DMD: variants seen among roughly 807,000 people sequenced by gnomAD.
DMD encodes mutant dystrophin.
In DMD, 63 loss-of-function variants were observed where a neutral mutation model predicts 330.1. That is an observed-to-expected ratio of 0.19 (90% CI 0.16 to 0.24). The LOEUF (loss-of-function observed/expected upper bound fraction) is 0.24, where lower values mean the gene tolerates loss of function less well. Among genes scored for constraint, DMD ranks in the 10% least tolerant of loss-of-function variants. The pLI is 1.00. For missense variants in DMD, 3,344 were observed against 2,684.1 expected (o/e 1.25, Z -5.43); for synonymous variants, 1,223 against 959.8 (o/e 1.27, Z -5.07).
At chrX:32,923,003 T>A (rs771938259) in intron 2 of DMD, among the ~76,000 whole-genome samples, 1 of 111,762 alleles carries the variant, frequency 8.9e-6, no homozygotes, top group East Asian at 2.8e-4. Flanking sequence ...CAAATATGAA[T>A]TGATATATTT....
At chrX:32,241,867 C>T (rs2097209907) in intron 43 of DMD, among the ~76,000 whole-genome samples, 1 of 110,436 alleles carries the variant, frequency 9.1e-6, no homozygotes, top group Non-Finnish European at 1.9e-5. Context: ...ATAATAGGTA[C>T]CAGCATAACG....
chrX:32,984,885 C>T (rs745814428), intron 2 of DMD, among the ~76,000 whole-genome samples: 3 of 111,243 alleles, frequency 2.7e-5, no homozygotes, highest in Non-Finnish European at 5.7e-5. Flanking sequence ...AAAGAAATAT[C>T]CTTCCCCTTC....
chrX:33,193,650 C>T (rs930110806), intron 1 of DMD, among the ~76,000 whole-genome samples: 10 of 111,999 alleles, frequency 8.9e-5, no homozygotes, highest in African/African-American at 3.2e-4. Context: ...ACAATTGAAA[C>T]GCGCATGCAA....
intron 30 of DMD, among the ~76,000 whole-genome samples, chrX:32,397,345 T>TA (rs1399869849): frequency 8.9e-6 from 1 of 111,867 alleles, no homozygotes; most frequent in African/African-American, 3.2e-5. Flanking sequence ...CAGTAAACTC[T>TA]AATGGAAACA....
At chrX:31,629,789 G>T (rs1348763950) in intron 54 of DMD, among the ~76,000 whole-genome samples, 1 of 111,831 alleles carries the variant, frequency 8.9e-6, no homozygotes, top group African/African-American at 3.3e-5. Context: ...GCTGACAATT[G>T]ACTGGGTGTG....
chrX:32,620,063 G>C (rs1240035450), intron 11 of DMD, among the ~76,000 whole-genome samples: 14 of 112,014 alleles, frequency 1.2e-4, no homozygotes, highest in Non-Finnish European at 2.6e-4. Flanking sequence ...AGGAACCTGG[G>C]TAACAGAAAA....
chrX:31,763,124 C>G (rs1184853243), intron 51 of DMD, among the ~76,000 whole-genome samples: 1 of 112,372 alleles, frequency 8.9e-6, no homozygotes, highest in Admixed American at 9.4e-5. Flanking sequence ...AAATTTATTT[C>G]GAGGACCAGA....
intron 52 of DMD, among the ~76,000 whole-genome samples, chrX:31,688,175 C>T (rs2082820729): frequency 9.1e-6 from 1 of 109,864 alleles, no homozygotes; most frequent in Non-Finnish European, 1.9e-5. Flanking sequence ...TCAATGAATC[C>T]AGGAGCCAGT....
intron 12 of DMD, among the ~76,000 whole-genome samples, chrX:32,606,098 TATG>T (rs2056674320): frequency 9.0e-6 from 1 of 110,645 alleles, no homozygotes; most frequent in Admixed American, 9.6e-5. Context: ...ATAGTTACTG[TATG>T]ATATGATCAA....
chrX:32,437,308 C>T (rs1482560270), intron 29 of DMD, among the ~76,000 whole-genome samples: 1 of 111,643 alleles, frequency 9.0e-6, no homozygotes, highest in East Asian at 2.8e-4. Context: ...AGATATCTGC[C>T]CTACCCTCAC....
At chrX:31,970,671 T>C (rs946478981) in intron 44 of DMD, among the ~76,000 whole-genome samples, 1 of 110,827 alleles carries the variant, frequency 9.0e-6, no homozygotes, top group African/African-American at 3.3e-5. Context: ...ACCAAGAGCA[T>C]AAAACTGGGC....
Position 31,679,411 on chromosome X carries a change from T to C in DMD, c.7836A>G (p.Thr2612=), listed in dbSNP as rs2148732626. Residue 2612 remains threonine (T), a synonymous_variant, in exon 53 of 79, where the codon ACA becomes ACG. Transcript: ENST00000357033. ...TGATTTTCTTTTGGATTGCATCTAC[T>C]GTATAGGGACCCTCCTTCCATGACT... ...KLESWKEGPY[T]VDAIQKKITE... is the part of the protein sequence containing the mutation. 8.3e-7 allele frequency: 1 copy of C among 1,211,114 alleles called. No individual in the cohort carries two copies. The highest frequency in any genetic ancestry group is 2.3e-4 in the Middle Eastern group (1 of 4,354).
chrX:32,487,064 A>G (rs1270335535), intron 20 of DMD, among the ~76,000 whole-genome samples: 1 of 111,037 alleles, frequency 9.0e-6, no homozygotes, highest in Non-Finnish European at 1.9e-5. Context: ...TGAACAGGCA[A>G]CCTACAAAAT....
chrX:33,320,952 C>T (rs925757991), intron 1 of DMD, among the ~76,000 whole-genome samples: 1 of 111,801 alleles, frequency 8.9e-6, no homozygotes, highest in East Asian at 2.8e-4. Context: ...TCCATTCACG[C>T]TTTATTATGA....
chrX:32,388,099 C>T (rs186849144), intron 32 of DMD, among the ~76,000 whole-genome samples: 6 of 111,435 alleles, frequency 5.4e-5, no homozygotes, highest in Admixed American at 2.9e-4. Flanking sequence ...AGAACTGCTT[C>T]AATTGGTCCT....
At chrX:31,266,675 A>ACGCCCAGC in intron 62 of DMD, 1 of 649,248 alleles carries the variant, frequency 1.5e-6, no homozygotes, top group East Asian at 3.6e-5. Context: ...AGGTTCCTAG[A>ACGCCCAGC]CGCCCAGCCG....
chrX:31,768,684 T>C (rs1603462594), intron 51 of DMD, among the ~76,000 whole-genome samples: 1 of 112,115 alleles, frequency 8.9e-6, no homozygotes, highest in Non-Finnish European at 1.9e-5. Flanking sequence ...TTTACTTATG[T>C]TTATGTGATG....
chrX:31,204,635 T>TTG lies in DMD; in HGVS notation c.9650-518_9650-517insCA, dbSNP rs762104923. The stretch of plus-strand genomic sequence containing the variant: ...GCATAGTTTGTTGTTGTTGTTGTTG[T>TTG]TTTTTGAGACGGAGTCTTGCTCTGT... On this transcript the variant is annotated intron_variant, in intron 66 of 78. Coordinates refer to ENST00000357033, the MANE Select transcript of DMD (RefSeq NM_004006.3). Among the ~76,000 whole-genome samples the TTG allele has an allele frequency of 3.1e-3, 349 of 111,970 alleles. 1 individual carries two copies. The highest frequency in any genetic ancestry group is 0.011 in the African/African-American group (338 of 30,770).
At chrX:31,215,743 T>TA (rs1406106749) in intron 64 of DMD, among the ~76,000 whole-genome samples, 2 of 112,177 alleles carry the variant, frequency 1.8e-5, no homozygotes, top group Non-Finnish European at 3.8e-5. Flanking sequence ...ATTATGTGTT[T>TA]AAAAAAATAG....
Sources: allele counts gnomAD v4.1 joint callset (sites outside exome capture counted in the v4.1 genomes callset), GRCh38; gene constraint gnomAD v4.1.1; transcripts MANE v1.5; gene names NCBI Gene and HGNC (gene_info 2026-07-23, HGNC 2026-07-21).